Variants in FOXP3 observed in about 807,000 individuals in gnomAD.
The protein encoded by FOXP3 is forkhead box P3, also known as forkhead box protein P3.
FOXP3 carries 5 observed loss-of-function variants against 31.2 expected under a neutral mutation model. That is an observed-to-expected ratio of 0.16 (90% CI 0.08 to 0.34). FOXP3 has a LOEUF of 0.34. Ranked by LOEUF, FOXP3 falls within the 10% of genes least tolerant of loss-of-function variation. The pLI, the probability that FOXP3 is intolerant of heterozygous loss-of-function variation, is 1.00. For synonymous variants in FOXP3, 141 were observed against 148.8 expected, an observed-to-expected ratio of 0.95 and a Z score of 0.38; for missense variants, 251 against 363.0, an observed-to-expected ratio of 0.69 and a Z score of 2.51.
intron 1 of FOXP3, 53 bp from the exon 2 acceptor site, chrX:49,258,580 T>G: frequency 1.0e-6 from 1 of 972,862 alleles, no homozygotes; most frequent in Non-Finnish European, 1.4e-6. Flanking sequence ...CGGTATGAGA[T>G]ACTCGACCAC....
chrX:49,257,058 T>C, intron 4 of FOXP3, 46 bp from the exon 5 acceptor site: 1 of 1,094,118 alleles, frequency 9.1e-7, no homozygotes, highest in East Asian at 3.1e-5. Context: ...GGCTGGGCTC[T>C]GGAGCTTGGC....
chrX:49,254,545 G>A (rs781957826), intron 8 of FOXP3, among the ~76,000 whole-genome samples: 7 of 112,126 alleles, frequency 6.2e-5, no homozygotes, highest in South Asian at 3.7e-4. Context: ...GCACAGGTGC[G>A]GATGTCGTAT....
At chrX:49,257,877 C>G (rs1557116640) in intron 2 of FOXP3, 109 bp from the exon 3 acceptor site, 12 of 595,027 alleles carry the variant, frequency 2.0e-5, no homozygotes, top group Non-Finnish European at 2.7e-6. Context: ...TGATCATCCC[C>G]CTTTTACACG....
chrX:49,261,169 A>G (rs1557117158), intron 1 of FOXP3, among the ~76,000 whole-genome samples: 1 of 112,487 alleles, frequency 8.9e-6, no homozygotes, highest in African/African-American at 3.2e-5. Flanking sequence ...AAAACCACAG[A>G]CTGTGGGGTC....
chrX:49,257,303 C>T, intron 4 of FOXP3, 124 bp downstream of exon 4: 3 of 953,303 alleles, frequency 3.1e-6, no homozygotes, highest in Non-Finnish European at 4.2e-6. Flanking sequence ...GTTTCCAAGC[C>T]TCTGAGACCT....
At chrX:49,253,852 C>G in intron 9 of FOXP3, 65 bp downstream of exon 9, 1 of 1,186,311 alleles carries the variant, frequency 8.4e-7, no homozygotes, top group Admixed American at 2.2e-5. Flanking sequence ...CCTTTGCACC[C>G]TCCACCCAGA....
chrX:49,263,995 C>T (rs782238928), intron 1 of FOXP3, among the ~76,000 whole-genome samples: 7 of 111,890 alleles, frequency 6.3e-5, no homozygotes, highest in Admixed American at 1.9e-4. Context: ...AGGTCCTCGG[C>T]GACATTACTA....
At chrX:49,255,390 C>T in intron 8 of FOXP3, 39 bp downstream of exon 8, 1 of 1,144,278 alleles carries the variant, frequency 8.7e-7, no homozygotes, top group Non-Finnish European at 1.2e-6. Context: ...TGCCCCCCAG[C>T]AGTCTGAGTC....
Position 49,251,079 on chromosome X carries a change from G to T in FOXP3, c.*255C>A, listed in dbSNP as rs1412270459. 12 of 418,054 alleles carry T rather than the reference G, an allele frequency of 2.9e-5. No homozygotes were observed. The highest frequency in any genetic ancestry group is 1.0e-4 in the African/African-American group (4 of 38,615). 34.5% of individuals were successfully genotyped at this position (418,054 alleles called of 1,213,427 possible). ...CTCTGTTTGGCTGCAGGGCTCGACT[G>T]GGGGGTGTGTCTGGGGCGGAGGTGG... On this transcript the variant is annotated 3_prime_UTR_variant, in exon 12 of 12. Coordinates refer to ENST00000376207, the MANE Select transcript of FOXP3 (RefSeq NM_014009.4).
chrX:49,257,474 G>C lies in FOXP3; in HGVS notation c.407C>G (p.Thr136Ser). Residue 136 changes from threonine to serine, a missense_variant, in exon 4 of 12, where the codon ACC becomes AGC. Coordinates refer to ENST00000376207, the MANE Select transcript of FOXP3 (RefSeq NM_014009.4). ...CTTGAGGGAGAAGACCCCAGTGGCG[G>C]TGGTGGGTGGTGTGAGGCTGATCAT... ...PAMISLTPPT[T>S]ATGVFSLKAR... is the part of the protein sequence containing the mutation. 1 of 1,150,104 alleles carries C rather than the reference G, an allele frequency of 8.7e-7. No individual in the cohort carries two copies. Among genetic ancestry groups the C allele is most frequent in the Non-Finnish European group, 1.2e-6 (1 of 863,420 alleles). The allele number at this position is 1,150,104 out of a possible 1,213,427, so 94.8% of individuals were successfully genotyped here.
intron 1 of FOXP3, among the ~76,000 whole-genome samples, chrX:49,263,457 T>C (rs2066122137): frequency 8.9e-6 from 1 of 111,775 alleles, no homozygotes; most frequent in South Asian, 3.7e-4. Context: ...GGGATGTTTA[T>C]AGAAAAAAAC....
intron 1 of FOXP3, among the ~76,000 whole-genome samples, chrX:49,259,998 TG>T (rs1557117005): frequency 9.0e-6 from 1 of 110,998 alleles, no homozygotes; most frequent in Non-Finnish European, 1.9e-5. Context: ...TGTCACCTCC[TG>T]GGGGTGGTTG....
At chrX:49,263,538 A>G (rs1178376470) in intron 1 of FOXP3, among the ~76,000 whole-genome samples, 1 of 112,693 alleles carries the variant, frequency 8.9e-6, no homozygotes, top group Non-Finnish European at 1.9e-5. Flanking sequence ...ATGTGAGGAC[A>G]GTCTTGTCCA....
chrX:49,252,585 C>G (rs782767314), intron 10 of FOXP3, among the ~76,000 whole-genome samples: 11 of 109,341 alleles, frequency 1.0e-4, no homozygotes, highest in Non-Finnish European at 1.9e-4. Flanking sequence ...TCTGAGAAGG[C>G]ATTGGGGAGG....
intron 10 of FOXP3, among the ~76,000 whole-genome samples, chrX:49,252,880 G>A (rs1363914847): frequency 9.1e-6 from 1 of 110,296 alleles, no homozygotes; most frequent in African/African-American, 3.3e-5. Context: ...AAAGGGGTAG[G>A]TTTAGGGTCA....
Position 49,251,096 on chromosome X carries a change from CGGAGGT to C in FOXP3, c.*232_*237del. 1 of 318,909 alleles carries C rather than the reference CGGAGGT, an allele frequency of 3.1e-6. No homozygotes were observed. Among genetic ancestry groups the C allele is most frequent in the Non-Finnish European group, 5.2e-6 (1 of 193,836 alleles). 26.3% of individuals were successfully genotyped at this position (318,909 alleles called of 1,213,427 possible). ...GCTCGACTGGGGGGTGTGTCTGGGG[CGGAGGT>C]GGGGGCTGGGGCCAGGACCGGGGCC... On this transcript the variant is annotated 3_prime_UTR_variant, in exon 12 of 12. Transcript: ENST00000376207.
In FOXP3 at chrX:49,250,590, A is replaced by T; in HGVS notation, c.*744T>A. 2.7e-6 allele frequency: 1 copy of T among 364,437 alleles called. No individual in the cohort carries two copies. The allele number at this position is 364,437 out of a possible 1,213,427, so 30.0% of individuals were successfully genotyped here. ...GTGAGTGGCAGGGGAGACACGGGGT[A>T]TTTTTGGCAAGGCAGTGTGTGTGGC... On this transcript the variant is annotated 3_prime_UTR_variant, in exon 12 of 12. Transcript: ENST00000376207.
intron 1 of FOXP3, among the ~76,000 whole-genome samples, chrX:49,259,956 C>A (rs2066100523): frequency 9.0e-6 from 1 of 111,587 alleles, no homozygotes; most frequent in Non-Finnish European, 1.9e-5. Flanking sequence ...TAGAAGGGTT[C>A]TGGGGGAGCA....
chrX:49,254,673 C>T (rs781907837), intron 8 of FOXP3, among the ~76,000 whole-genome samples: 38 of 111,747 alleles, frequency 3.4e-4, no homozygotes, highest in South Asian at 7.5e-4. Context: ...TCTGTACATT[C>T]GCATCATGAG....
Sources: allele counts gnomAD v4.1 joint callset (sites outside exome capture counted in the v4.1 genomes callset), GRCh38; gene constraint gnomAD v4.1.1; transcripts MANE v1.5; gene names NCBI Gene and HGNC (gene_info 2026-07-23, HGNC 2026-07-21).